SEMA5A: variants seen among roughly 807,000 people sequenced by gnomAD.
The protein encoded by SEMA5A is semaphorin-5A.
SEMA5A carries 55 observed loss-of-function variants against 135.5 expected under a neutral mutation model. That is an observed-to-expected ratio of 0.41 (90% CI 0.33 to 0.51). The LOEUF is 0.51. Among genes scored for constraint, SEMA5A ranks in the 20% least tolerant of loss-of-function variants. The pLI, the probability that SEMA5A is intolerant of heterozygous loss-of-function variation, is 0.37. For synonymous variants in SEMA5A, 580 were observed against 546.5 expected (o/e 1.06, Z -0.85); for missense variants, 1,290 against 1,419.9 (o/e 0.91, Z 1.47).
intron 8 of SEMA5A, among the ~76,000 whole-genome samples, chr5:9,205,059 G>A (rs1238539778): frequency 6.6e-6 from 1 of 152,002 alleles, no homozygotes; most frequent in East Asian, 1.9e-4. Context: ...AAAGTTTAGG[G>A]ACCACTGCAT....
chr5:9,280,112 T>C (rs1161313746), intron 5 of SEMA5A, among the ~76,000 whole-genome samples: 2 of 152,172 alleles, frequency 1.3e-5, no homozygotes, highest in Non-Finnish European at 2.9e-5. Flanking sequence ...AATTCCATCC[T>C]AGGAGTAGGA....
Position 9,108,168 on chromosome 5 carries a change from T to A in SEMA5A, c.2045A>T (p.Asn682Ile), listed in dbSNP as rs1167043940. 2 of 1,614,148 alleles carry A rather than the reference T, an allele frequency of 1.2e-6. No homozygotes were observed. The highest frequency in any genetic ancestry group is 1.3e-5 in the African/African-American group (1 of 75,056). The part of the protein sequence containing the change: ...GIQARRRICE[N>I]GPDCAGCNVE... ...ATTGCAGCCTGCACAGTCAGGCCCATTCTCACAGATCCTGCGGCGAGCTTG... is the reference window on the plus strand; with the variant it reads ...ATTGCAGCCTGCACAGTCAGGCCCAATCTCACAGATCCTGCGGCGAGCTTG... Residue 682 changes from asparagine (N) to isoleucine (I), a missense_variant, in exon 16 of 23, where the codon AAT becomes ATT. By Grantham distance (149) the Asn-to-Ile change is moderately radical. Around this residue, in one of 3 missense-constraint regions of SEMA5A, gnomAD observed 1,029 missense variants for 1,086.6 expected, o/e 0.95. Transcript: ENST00000382496.
At chr5:9,244,071 C>G (rs1046474493) in intron 5 of SEMA5A, among the ~76,000 whole-genome samples, 1 of 152,106 alleles carries the variant, frequency 6.6e-6, no homozygotes, top group Non-Finnish European at 1.5e-5. Flanking sequence ...TTAAAAGGAC[C>G]ATGATTTGCC....
chr5:9,162,470 A>G (rs1319151985), intron 11 of SEMA5A, among the ~76,000 whole-genome samples: 1 of 31,926 alleles, frequency 3.1e-5, no homozygotes. Flanking sequence ...GTGTGTATAT[A>G]TATGTGTGTG....
chr5:9,294,965 C>A (rs571998999), intron 5 of SEMA5A, among the ~76,000 whole-genome samples: 1 of 152,126 alleles, frequency 6.6e-6, no homozygotes, highest in Admixed American at 6.6e-5. Flanking sequence ...AGGTCACTAG[C>A]GCCAAAGCAC....
intron 1 of SEMA5A, among the ~76,000 whole-genome samples, chr5:9,500,320 C>T (rs1397841103): frequency 6.6e-6 from 1 of 152,200 alleles, no homozygotes; most frequent in Non-Finnish European, 1.5e-5. Context: ...CGGATGTCAT[C>T]CCCATGGGGC....
rs367901928 is a variant in SEMA5A, at chr5:9,035,959, CAAAAAAAAAAA to C, written c.*6927_*6937del. On this transcript the variant is annotated 3_prime_UTR_variant, in exon 23 of 23. Transcript: ENST00000382496. ...TGAAATTGGCTTTGGAGGAGTTTCA[CAAAAAAAAAAA>C]AAAAAAAAAATCTCAAGTTTATTTT... 1 of 113,386 alleles carries C rather than the reference CAAAAAAAAAAA, an allele frequency of 8.8e-6. No individual in the cohort carries two copies. Among genetic ancestry groups the C allele is most frequent in the Admixed American group, 9.8e-5 (1 of 10,200 alleles). 7.0% of individuals were successfully genotyped at this position (113,386 alleles called of 1,614,324 possible).
intron 21 of SEMA5A, among the ~76,000 whole-genome samples, chr5:9,045,591 T>C (rs957355205): frequency 1.3e-5 from 2 of 152,174 alleles, no homozygotes; most frequent in African/African-American, 4.8e-5. Flanking sequence ...CACACATGTG[T>C]GCTGGTGTGG....
At chr5:9,504,941 C>T (rs1579648949) in intron 1 of SEMA5A, among the ~76,000 whole-genome samples, 1 of 152,258 alleles carries the variant, frequency 6.6e-6, no homozygotes, top group Non-Finnish European at 1.5e-5. Flanking sequence ...TTCCTCACCC[C>T]TGTGCTTGGT....
intron 11 of SEMA5A, among the ~76,000 whole-genome samples, chr5:9,162,455 T>C (rs1403203229): frequency 1.9e-5 from 1 of 52,880 alleles, no homozygotes; most frequent in African/African-American, 8.0e-5. Flanking sequence ...TGTGTATATA[T>C]ATGTGTGTGT....
In SEMA5A at chr5:9,054,275, G is replaced by A; in HGVS notation, c.2519-18C>T. ...GCCATCCACTGTGAAGAAACACAAT[G>A]TCACAGCTCTTCTATAATCCAATCC... On this transcript the variant is annotated intron_variant, in intron 18 of 22. Coordinates refer to ENST00000382496, the MANE Select transcript of SEMA5A (RefSeq NM_003966.3). 2 of 1,607,268 alleles carry A rather than the reference G, an allele frequency of 1.2e-6. No homozygotes were observed. The highest frequency in any genetic ancestry group is 2.2e-5 in the South Asian group (2 of 89,684).
intron 21 of SEMA5A, among the ~76,000 whole-genome samples, chr5:9,049,116 G>A (rs1270799759): frequency 6.6e-6 from 1 of 152,038 alleles, no homozygotes. Context: ...ACTGCTGACT[G>A]AGCAGACAGA....
At chr5:9,109,057 T>TTTTTTTTTTTTTTTTTG in intron 15 of SEMA5A, among the ~76,000 whole-genome samples, 1 of 101,634 alleles carries the variant, frequency 9.8e-6, no homozygotes, top group East Asian at 3.1e-4. Context: ...TTTTTTTTTT[T>TTTTTTTTTTTTTTTTTG]TGAGACGGAG....
chr5:9,228,936 C>A (rs891521702), intron 6 of SEMA5A, among the ~76,000 whole-genome samples: 6 of 152,158 alleles, frequency 3.9e-5, no homozygotes, highest in Admixed American at 1.3e-4. Context: ...ATCGAGACAG[C>A]GGAAATGCAT....
intron 5 of SEMA5A, among the ~76,000 whole-genome samples, chr5:9,286,120 G>A (rs1375635249): frequency 6.6e-6 from 1 of 152,016 alleles, no homozygotes; most frequent in Non-Finnish European, 1.5e-5. Context: ...TTTGTATAAC[G>A]CTGCAGAATG....
chr5:9,209,008 C>T (rs1204016026), intron 8 of SEMA5A, among the ~76,000 whole-genome samples: 1 of 152,124 alleles, frequency 6.6e-6, no homozygotes, highest in Non-Finnish European at 1.5e-5. Context: ...CTTCCTTCTT[C>T]CTGGGGAATA....
Position 9,190,325 on chromosome 5 carries a change from C to T in SEMA5A, c.1215G>A (p.Val405=), listed in dbSNP as rs1457400291. The change falls in exon 11 of 23, where the codon GTG becomes GTA. Residue 405 remains valine, a synonymous_variant. Transcript: ENST00000382496. ...FMEDNSRFSH[V]AVDVVQGREA... is the part of the protein sequence containing the mutation. ...CTCTGCCCTGCACCACGTCGACTGC[C>T]ACGTGGGAAAAGCGGCTATTGTCCT... is the stretch of plus-strand genomic sequence containing the variant. 6.2e-7 allele frequency: 1 copy of T among 1,614,120 alleles called. No individual in the cohort carries two copies. Among genetic ancestry groups the T allele is most frequent in the Admixed American group, 1.7e-5 (1 of 60,028 alleles).
chr5:9,154,468 TGACCCCGGA>T lies in SEMA5A; in HGVS notation c.1481+11_1481+19del. 1.2e-6 allele frequency: 2 copies of T among 1,610,882 alleles called. No individual in the cohort carries two copies. Among genetic ancestry groups the T allele is most frequent in the Non-Finnish European group, 1.7e-6 (2 of 1,179,020 alleles). ...CCTTCACACACACACCAGTGCATCC[TGACCCCGGA>T]GATGCCCTACCTGCGTGTGCGGTAG... On this transcript the variant is annotated intron_variant, in intron 12 of 22. Coordinates refer to ENST00000382496, the MANE Select transcript of SEMA5A (RefSeq NM_003966.3).
chr5:9,322,907 G>A (rs1752693128), intron 4 of SEMA5A, among the ~76,000 whole-genome samples: 1 of 152,084 alleles, frequency 6.6e-6, no homozygotes, highest in African/African-American at 2.4e-5. Flanking sequence ...GTCATTTACA[G>A]CAACATTTAC....
Sources: allele counts gnomAD v4.1 joint callset (sites outside exome capture counted in the v4.1 genomes callset), GRCh38; gene constraint gnomAD v4.1.1; regional missense constraint gnomAD v4.1.1; transcripts MANE v1.5; gene names NCBI Gene and HGNC (gene_info 2026-07-23, HGNC 2026-07-21).